Variants in GALNT17 observed in about 807,000 individuals in gnomAD.
GALNT17 encodes polypeptide N-acetylgalactosaminyltransferase 17.
GALNT17 carries 29 observed loss-of-function variants against 63.7 expected under a neutral mutation model. The ratio of observed to expected loss-of-function variants is 0.46; its 90% CI spans 0.34 to 0.62. The LOEUF is 0.62. Ranked by LOEUF, GALNT17 falls within the 20% of genes least tolerant of loss-of-function variation. The probability of loss-of-function intolerance (pLI) is 0.01; values close to 1 mark genes in which losing one functional copy is unlikely to be tolerated. For missense variants in GALNT17, 603 were observed against 799.6 expected (o/e 0.75, Z 2.97); for synonymous variants, 305 against 318.3 (o/e 0.96, Z 0.45).
At chr7:71,419,896 A>G (rs1421100240) in intron 4 of GALNT17, among the ~76,000 whole-genome samples, 1 of 152,206 alleles carries the variant, frequency 6.6e-6, no homozygotes, top group Non-Finnish European at 1.5e-5. Context: ...GGTATATTTT[A>G]TTGCTCATTT....
intron 1 of GALNT17, among the ~76,000 whole-genome samples, chr7:71,187,579 C>T (rs192029309): frequency 2.0e-5 from 3 of 152,048 alleles, no homozygotes; most frequent in African/African-American, 7.2e-5. Flanking sequence ...TTCCACCTCC[C>T]CCCTCATCCA....
At chr7:71,612,678 C>G (rs906882009) in intron 6 of GALNT17, among the ~76,000 whole-genome samples, 2 of 152,258 alleles carry the variant, frequency 1.3e-5, no homozygotes, top group East Asian at 3.9e-4. Flanking sequence ...ACAAGGGAAC[C>G]GATTCCTGCA....
intron 1 of GALNT17, among the ~76,000 whole-genome samples, chr7:71,259,974 A>C (rs1158681633): frequency 2.0e-5 from 3 of 152,108 alleles, no homozygotes; most frequent in Non-Finnish European, 4.4e-5. Flanking sequence ...ACATCTATTA[A>C]GGGAGCAGAG....
At chr7:71,461,705 C>T (rs971996720) in intron 5 of GALNT17, among the ~76,000 whole-genome samples, 2 of 152,194 alleles carry the variant, frequency 1.3e-5, no homozygotes, top group African/African-American at 4.8e-5. Flanking sequence ...TCCCACGTGA[C>T]TTCTTGCTGC....
chr7:71,217,680 C>A (rs1789510320), intron 1 of GALNT17, among the ~76,000 whole-genome samples: 1 of 151,736 alleles, frequency 6.6e-6, no homozygotes, highest in Non-Finnish European at 1.5e-5. Context: ...AATCCCAGCA[C>A]TTTGGGAGGC....
intron 6 of GALNT17, among the ~76,000 whole-genome samples, chr7:71,624,129 G>T (rs1216131735): frequency 6.6e-6 from 1 of 152,182 alleles, no homozygotes; most frequent in Non-Finnish European, 1.5e-5. Flanking sequence ...CAGCAGTGAG[G>T]TGCTGATTTC....
At chr7:71,520,779 G>A (rs941666353) in intron 5 of GALNT17, among the ~76,000 whole-genome samples, 2 of 152,084 alleles carry the variant, frequency 1.3e-5, no homozygotes, top group East Asian at 1.9e-4. Flanking sequence ...TTTAGGAGGC[G>A]GGAGCAAGCA....
chr7:71,335,449 C>A, intron 1 of GALNT17, 101 bp from the exon 2 acceptor site: 1 of 1,195,822 alleles, frequency 8.4e-7, no homozygotes, highest in Non-Finnish European at 1.1e-6. Flanking sequence ...TTTTCTGTGA[C>A]AAGTAATGTT....
chr7:71,545,276 A>G (rs968275014), intron 5 of GALNT17, among the ~76,000 whole-genome samples: 8 of 151,716 alleles, frequency 5.3e-5, no homozygotes, highest in African/African-American at 1.5e-4. Flanking sequence ...TTTATTTTTC[A>G]CAAGGTTTTG....
chr7:71,376,878 G>A (rs557074501), intron 2 of GALNT17, among the ~76,000 whole-genome samples: 1 of 151,332 alleles, frequency 6.6e-6, no homozygotes, highest in South Asian at 2.1e-4. Context: ...TTGAGGTCAG[G>A]AGTTCAAGAC....
chr7:71,573,533 A>G (rs1789486747), intron 6 of GALNT17, among the ~76,000 whole-genome samples: 1 of 150,446 alleles, frequency 6.6e-6, no homozygotes, highest in South Asian at 2.1e-4. Flanking sequence ...ATGGGATTTC[A>G]CTGTGGTAGC....
At chr7:71,315,428 C>T (rs756524644) in intron 1 of GALNT17, among the ~76,000 whole-genome samples, 1 of 152,146 alleles carries the variant, frequency 6.6e-6, no homozygotes, top group Non-Finnish European at 1.5e-5. Context: ...TTCCATGTTT[C>T]ACCTTTGGAG....
chr7:71,424,093 A>T (rs763543122), intron 5 of GALNT17, among the ~76,000 whole-genome samples: 18 of 152,190 alleles, frequency 1.2e-4, no homozygotes, highest in Admixed American at 3.9e-4. Flanking sequence ...TCCCACACCA[A>T]CTGTTCATCA....
intron 9 of GALNT17, among the ~76,000 whole-genome samples, chr7:71,703,852 AG>A (rs778868815): frequency 6.6e-6 from 1 of 152,306 alleles, no homozygotes; most frequent in Middle Eastern, 3.4e-3. Flanking sequence ...GAAGGAAGAC[AG>A]GTTTTTGAGA....
chr7:71,361,753 T>C (rs1170030356), intron 2 of GALNT17, among the ~76,000 whole-genome samples: 3 of 152,108 alleles, frequency 2.0e-5, no homozygotes, highest in East Asian at 1.9e-4. Context: ...ATATGTGTTA[T>C]AAATAGCATT....
At chr7:71,524,540 G>A (rs765883571) in intron 5 of GALNT17, among the ~76,000 whole-genome samples, 2 of 151,966 alleles carry the variant, frequency 1.3e-5, no homozygotes, top group Non-Finnish European at 2.9e-5. Context: ...TGGTTGAATC[G>A]ATGGCCACGG....
intron 5 of GALNT17, among the ~76,000 whole-genome samples, chr7:71,557,819 T>C (rs1366902703): frequency 6.7e-6 from 1 of 149,014 alleles, no homozygotes; most frequent in Admixed American, 6.8e-5. Context: ...ACATCTGTAA[T>C]CCCAGCACTT....
At chr7:71,655,414 T>TG (rs1790815095) in intron 6 of GALNT17, among the ~76,000 whole-genome samples, 1 of 152,156 alleles carries the variant, frequency 6.6e-6, no homozygotes, top group Non-Finnish European at 1.5e-5. Context: ...ATTCATTACT[T>TG]GGGGAATTCC....
intron 1 of GALNT17, among the ~76,000 whole-genome samples, chr7:71,152,989 G>A (rs73188425): frequency 0.022 from 3,380 of 152,252 alleles, 59 homozygotes; most frequent in Non-Finnish European, 0.033. Flanking sequence ...CTGTTGGAAA[G>A]CTAACCTTCC....
Sources: gnomAD v4.1 joint callset for allele counts (sites outside exome capture counted in the v4.1 genomes callset) on GRCh38, gnomAD v4.1.1 for gene constraint, MANE v1.5 for transcripts, NCBI Gene and HGNC (gene_info 2026-07-23, HGNC 2026-07-21) for gene names.